The following CLCN1 variants were observed in gnomAD, a reference collection of about 807,000 sequenced individuals.
The protein encoded by CLCN1 is chloride voltage-gated channel 1.
A neutral mutation model predicts 114.5 loss-of-function variants in CLCN1; 100 were observed. The observed-to-expected ratio is 0.87, with a 90% CI of 0.74 to 1.03. The LOEUF is 1.03. CLCN1 is among the 50% of genes least tolerant of loss of function. CLCN1 has a pLI of 0.00. For synonymous variants in CLCN1, 485 were observed against 487.1 expected (o/e 1.00, Z 0.06); for missense variants, 1,188 against 1,250.0 (o/e 0.95, Z 0.75).
chr7:143,329,376 G>A (rs566545693), intron 7 of CLCN1, among the ~76,000 whole-genome samples: 2 of 152,306 alleles, frequency 1.3e-5, no homozygotes, highest in South Asian at 4.1e-4. Context: ...CTGAAGGACG[G>A]ATGGTTTCGA....
intron 7 of CLCN1, among the ~76,000 whole-genome samples, chr7:143,328,201 A>G (rs1802624903): frequency 6.7e-6 from 1 of 150,322 alleles, no homozygotes; most frequent in South Asian, 2.1e-4. Flanking sequence ...AAGCTCAGGA[A>G]CATGGCTTTG....
intron 7 of CLCN1, among the ~76,000 whole-genome samples, chr7:143,327,359 C>G (rs1490989883): frequency 6.6e-6 from 1 of 152,164 alleles, no homozygotes; most frequent in East Asian, 1.9e-4. Flanking sequence ...GTCTCGTGGG[C>G]ATGGGATTTG....
intron 5 of CLCN1, among the ~76,000 whole-genome samples, chr7:143,322,537 T>G (rs993726335): frequency 3.3e-5 from 5 of 152,222 alleles, no homozygotes; most frequent in Middle Eastern, 3.2e-3. Context: ...TTGTTGTTGT[T>G]GTTGAGACAG....
rs1480779456 is a variant in CLCN1 at position 143,324,380 on chromosome 7, C to A, written c.775-34C>A. ...CTCTGCCTGCCCACCTCCCTCTCTT[C>A]CACCTGTTTCTCTGTCTGTCTCTCC... is the stretch of plus-strand genomic sequence containing the variant. On this transcript the variant is annotated intron_variant, in intron 6 of 22. Transcript: ENST00000343257. This position sits in a 1 kb window ranked among gnomAD's most constrained non-coding sequence, Gnocchi z 4.6. The A allele has an allele frequency of 2.0e-6, 3 of 1,534,838 alleles. No individual in the cohort carries two copies. Among genetic ancestry groups the A allele is most frequent in the Non-Finnish European group, 2.7e-6 (3 of 1,108,386 alleles).
intron 6 of CLCN1, 127 bp downstream of exon 6, chr7:143,323,513 C>T (rs746849426): frequency 5.4e-5 from 41 of 761,014 alleles, no homozygotes; most frequent in African/African-American, 8.5e-5. Context: ...TCGCACTAAT[C>T]CACGCTCCCT....
chr7:143,323,710 G>A (rs111361818), intron 6 of CLCN1: 258 of 522,352 alleles, frequency 4.9e-4, no homozygotes, highest in African/African-American at 4.4e-3. Flanking sequence ...CGTTTCCCTC[G>A]TGTGCTCCCC....
intron 3 of CLCN1, 129 bp downstream of exon 3, chr7:143,320,924 T>A: frequency 8.1e-6 from 9 of 1,110,174 alleles, no homozygotes; most frequent in Non-Finnish European, 1.1e-5. Flanking sequence ...CAGAGAGGGA[T>A]CAGGTGGGAC....
intron 1 of CLCN1, among the ~76,000 whole-genome samples, chr7:143,319,222 T>C (rs540656323): frequency 1.3e-5 from 2 of 152,248 alleles, no homozygotes; most frequent in Admixed American, 6.5e-5. Flanking sequence ...GGAGATGAAG[T>C]GGATGGTCTT....
In CLCN1 at chr7:143,332,708, C is replaced by T. The variant is rs1461468708; in HGVS notation, c.1252-16C>T. On this transcript the variant is annotated splice_polypyrimidine_tract_variant and intron_variant, in intron 11 of 22. Coordinates refer to ENST00000343257, the MANE Select transcript of CLCN1 (RefSeq NM_000083.3). The stretch of plus-strand genomic sequence containing the variant: ...TTCCCTGGAGAACCCACCCTTTCTG[C>T]TTCTTCCTCTCCCAGTTGATGCCCC... 6.2e-7 allele frequency: 1 copy of T among 1,613,776 alleles called. No individual in the cohort carries two copies. The highest frequency in any genetic ancestry group is 1.1e-5 in the South Asian group (1 of 91,074).
Position 143,351,818 on chromosome 7 carries a change from C to T in CLCN1, c.2820C>T (p.Leu940=). 2 of 1,614,100 alleles carry T rather than the reference C, an allele frequency of 1.2e-6. No homozygotes were observed. The highest frequency in any genetic ancestry group is 1.1e-5 in the South Asian group (1 of 91,078). ...CATCTCCTTCCCCAGAGCCCCCTCT[C>T]TCCCTGGCCCCAGGCAAGGTAGAGG... is the stretch of plus-strand genomic sequence containing the variant. ...PVPSPSPEPP[L]SLAPGKVEGE... Residue 940 remains leucine, a synonymous_variant, in exon 23 of 23, where the codon CTC becomes CTT. Coordinates refer to ENST00000343257, the MANE Select transcript of CLCN1 (RefSeq NM_000083.3).
intron 7 of CLCN1, among the ~76,000 whole-genome samples, chr7:143,328,950 T>A (rs1802647349): frequency 6.7e-6 from 1 of 148,580 alleles, no homozygotes; most frequent in Non-Finnish European, 1.5e-5. Context: ...GTGCTGGTTT[T>A]CAAGGAATTT....
intron 17 of CLCN1, 111 bp downstream of exon 17, chr7:143,345,873 G>A: frequency 6.9e-7 from 1 of 1,451,752 alleles, no homozygotes; most frequent in Non-Finnish European, 9.4e-7. Flanking sequence ...CCTGAAAGTA[G>A]TGGGAAGAGG....
intron 2 of CLCN1, 145 bp downstream of exon 2, chr7:143,320,020 A>G (rs1436573425): frequency 2.3e-6 from 2 of 854,500 alleles, no homozygotes; most frequent in Non-Finnish European, 3.8e-6. Flanking sequence ...ACAGGGTCTC[A>G]CTCTGTCATT....
intron 20 of CLCN1, among the ~76,000 whole-genome samples, chr7:143,348,158 T>C (rs1803306930): frequency 6.6e-6 from 1 of 151,902 alleles, no homozygotes; most frequent in Non-Finnish European, 1.5e-5. Context: ...ATGTTGTGAG[T>C]GACAAGACAG....
chr7:143,348,030 T>TCAC (rs1485983398), intron 20 of CLCN1, among the ~76,000 whole-genome samples: 1 of 152,154 alleles, frequency 6.6e-6, no homozygotes, highest in Non-Finnish European at 1.5e-5. Context: ...ACGTAAAGCT[T>TCAC]GTAAAGTATG....
Position 143,320,650 on chromosome 7 carries a change from T to C in CLCN1, c.302-14T>C. ...GTTGTTTGTTTGTTTGTTTTTTCCC[T>C]CATCTCTTCCTAGATTGTATCCACC... On this transcript the variant is annotated splice_polypyrimidine_tract_variant and intron_variant, in intron 2 of 22. Transcript: ENST00000343257. 1 of 1,610,746 alleles carries C rather than the reference T, an allele frequency of 6.2e-7. No homozygotes were observed. The highest frequency in any genetic ancestry group is 8.5e-7 in the Non-Finnish European group (1 of 1,177,556).
At chr7:143,344,751 G>GTTTTTT (rs11370140) in intron 16 of CLCN1, among the ~76,000 whole-genome samples, 1 of 131,320 alleles carries the variant, frequency 7.6e-6, no homozygotes, top group Non-Finnish European at 1.6e-5. Context: ...TCCTAGCAGG[G>GTTTTTT]TTTTTTTTTT....
chr7:143,330,538 G>A (rs947076156), intron 7 of CLCN1, among the ~76,000 whole-genome samples: 5 of 152,136 alleles, frequency 3.3e-5, no homozygotes, highest in African/African-American at 4.8e-5. Flanking sequence ...AGGCCCATTC[G>A]TTTTCAATCT....
Position 143,331,534 on chromosome 7 carries a change from A to C in CLCN1, c.1065-17A>C, listed in dbSNP as rs997188651. The C allele has an allele frequency of 1.3e-6, 2 of 1,570,368 alleles. No individual in the cohort carries two copies. The highest frequency in any genetic ancestry group is 1.8e-6 in the Non-Finnish European group (2 of 1,140,318). On this transcript the variant is annotated splice_polypyrimidine_tract_variant and intron_variant, in intron 9 of 22. Transcript: ENST00000343257. Reference sequence around the variant, plus strand: ...TTCATGTCTGTAAGATTCCAACTCTATAAATTACACCCTCAGGATTTGCTG... The same window carrying C: ...TTCATGTCTGTAAGATTCCAACTCTCTAAATTACACCCTCAGGATTTGCTG...
Sources: allele counts gnomAD v4.1 joint callset (sites outside exome capture counted in the v4.1 genomes callset), GRCh38; gene constraint gnomAD v4.1.1; non-coding constraint Gnocchi (gnomAD v3.1); transcripts MANE v1.5; gene names NCBI Gene and HGNC (gene_info 2026-07-23, HGNC 2026-07-21).